The following ARB2A variants were observed in gnomAD, a reference collection of about 807,000 sequenced individuals.
ARB2A encodes ARB2 cotranscriptional regulator A.
the ARB2A span, among the ~76,000 whole-genome samples, chr5:93,768,347 GA>G: frequency 3.4e-5 from 5 of 145,436 alleles, no homozygotes; most frequent in African/African-American, 1.0e-4. Context: ...TAACCTATGG[GA>G]AAAAAAAACA....
the ARB2A span, among the ~76,000 whole-genome samples, chr5:93,835,690 T>C: frequency 6.6e-6 from 1 of 152,218 alleles, no homozygotes; most frequent in East Asian, 1.9e-4. Flanking sequence ...ATTTCAGTTA[T>C]GTCCACGTCA....
the ARB2A span, among the ~76,000 whole-genome samples, chr5:93,801,032 G>A: frequency 1.3e-5 from 2 of 152,080 alleles, no homozygotes; most frequent in African/African-American, 4.8e-5. Flanking sequence ...TGCTATTTGT[G>A]CTCTTCATTC....
At chr5:94,067,811 A>G in the ARB2A span, among the ~76,000 whole-genome samples, 1 of 152,318 alleles carries the variant, frequency 6.6e-6, no homozygotes, top group East Asian at 1.9e-4. Context: ...AAATAGAGAA[A>G]AACAAAAAAC....
the ARB2A span, among the ~76,000 whole-genome samples, chr5:93,858,114 T>C: frequency 9.2e-5 from 14 of 152,090 alleles, no homozygotes; most frequent in African/African-American, 3.1e-4. Context: ...CCAAGAATCG[T>C]CTCCTGGTAG....
the ARB2A span, among the ~76,000 whole-genome samples, chr5:93,779,118 T>C: frequency 1.3e-5 from 2 of 148,770 alleles, no homozygotes; most frequent in Admixed American, 6.7e-5. Context: ...TGTGTGTGTG[T>C]GTGTGTGCGC....
chr5:93,915,807 G>A, the ARB2A span, among the ~76,000 whole-genome samples: 1 of 152,084 alleles, frequency 6.6e-6, no homozygotes, highest in East Asian at 1.9e-4. Flanking sequence ...AAGATGATAT[G>A]GAAGAAAGAT....
At chr5:93,987,050 A>G in the ARB2A span, among the ~76,000 whole-genome samples, 1 of 152,174 alleles carries the variant, frequency 6.6e-6, no homozygotes, top group African/African-American at 2.4e-5. Flanking sequence ...AAAACTTAAC[A>G]TTAAGTATTG....
chr5:93,657,026 A>C, the ARB2A span, among the ~76,000 whole-genome samples: 1 of 152,242 alleles, frequency 6.6e-6, no homozygotes, highest in Non-Finnish European at 1.5e-5. Context: ...AGCCTCTGTA[A>C]AAAGTGCGAC....
At chr5:93,620,822 C>T in the ARB2A span, 1 of 869,266 alleles carries the variant, frequency 1.2e-6, no homozygotes, top group Non-Finnish European at 1.6e-6. Flanking sequence ...GACAGTTGCA[C>T]TCATCTAGAA....
At chr5:93,756,295 G>A in the ARB2A span, among the ~76,000 whole-genome samples, 646 of 152,268 alleles carry the variant, frequency 4.2e-3, 2 homozygotes, top group Middle Eastern at 6.8e-3. Context: ...TAACCACCTT[G>A]GTAGCTGAAG....
the ARB2A span, among the ~76,000 whole-genome samples, chr5:94,012,069 C>T: frequency 6.6e-6 from 1 of 151,668 alleles, no homozygotes; most frequent in Non-Finnish European, 1.5e-5. Context: ...AAAAAAGTCA[C>T]AATGTTAAAT....
the ARB2A span, among the ~76,000 whole-genome samples, chr5:93,843,675 T>C: frequency 6.6e-6 from 1 of 151,894 alleles, no homozygotes; most frequent in Non-Finnish European, 1.5e-5. Flanking sequence ...AAAAGAAATA[T>C]TTGAAGAATA....
the ARB2A span, among the ~76,000 whole-genome samples, chr5:93,839,493 G>C: frequency 6.6e-5 from 10 of 152,000 alleles, no homozygotes; most frequent in Non-Finnish European, 1.2e-4. Context: ...TTTTTTTGTT[G>C]TGTCTCTGCC....
chr5:94,028,522 T>G, the ARB2A span, among the ~76,000 whole-genome samples: 1 of 152,128 alleles, frequency 6.6e-6, no homozygotes, highest in Non-Finnish European at 1.5e-5. Context: ...AAAACAGAAT[T>G]ACCCAAGAAC....
At chr5:93,621,489 G>A in the ARB2A span, among the ~76,000 whole-genome samples, 1 of 152,220 alleles carries the variant, frequency 6.6e-6, no homozygotes, top group East Asian at 1.9e-4. Flanking sequence ...TCCGAGGCGC[G>A]GCTGGCCGCC....
the ARB2A span, among the ~76,000 whole-genome samples, chr5:93,710,531 C>T: frequency 4.3e-4 from 66 of 152,234 alleles, no homozygotes; most frequent in Admixed American, 2.0e-3. Context: ...GCCACACACA[C>T]ATAGCTATTT....
the ARB2A span, among the ~76,000 whole-genome samples, chr5:93,638,119 T>A: frequency 6.6e-6 from 1 of 152,232 alleles, no homozygotes; most frequent in Non-Finnish European, 1.5e-5. Flanking sequence ...CTTGGAACTT[T>A]CCTAAACATT....
the ARB2A span, among the ~76,000 whole-genome samples, chr5:93,966,572 C>T: frequency 2.0e-5 from 3 of 152,068 alleles, no homozygotes; most frequent in African/African-American, 7.2e-5. Flanking sequence ...AGAAACACTA[C>T]CTAACTTGCC....
the ARB2A span, among the ~76,000 whole-genome samples, chr5:93,795,331 T>G: frequency 3.4e-3 from 522 of 152,282 alleles, 5 homozygotes; most frequent in Non-Finnish European, 4.7e-3. Flanking sequence ...ACCGAGTCTA[T>G]TTCTAGGCAG....
Sources: gnomAD v4.1 joint callset for allele counts (sites outside exome capture counted in the v4.1 genomes callset) on GRCh38, gnomAD v4.1.1 for gene constraint, MANE v1.5 for transcripts, NCBI Gene and HGNC (gene_info 2026-07-23, HGNC 2026-07-21) for gene names.